GRIN2A: variants seen among roughly 807,000 people sequenced by gnomAD.
GRIN2A encodes the protein glutamate ionotropic receptor NMDA type subunit 2A.
In GRIN2A, 22 loss-of-function variants were observed where a neutral mutation model predicts 113.4. The ratio of observed to expected loss-of-function variants is 0.19; its 90% CI spans 0.14 to 0.28. The LOEUF is 0.28. Ranked by LOEUF, GRIN2A falls within the 10% of genes least tolerant of loss-of-function variation. The pLI is 1.00. For synonymous variants in GRIN2A, 827 were observed against 738.4 expected, an observed-to-expected ratio of 1.12 and a Z score of -1.94; for missense variants, 1,502 against 1,887.0, an observed-to-expected ratio of 0.80 and a Z score of 3.78.
rs745951746 is a variant in GRIN2A at position 9,840,813 on chromosome 16, CAAA to C, written c.1498-16_1498-14del. On this transcript the variant is annotated splice_polypyrimidine_tract_variant and intron_variant, in intron 6 of 12. Transcript: ENST00000330684. ...GTTGATAGACCACCTGGATGCAAGG[CAAA>C]AAAAAAAAAAAAAAAAAGAGAGAGA... 18,348 of 1,029,936 alleles carry C rather than the reference CAAA, an allele frequency of 0.018. No homozygotes were observed. Among genetic ancestry groups the C allele is most frequent in the Middle Eastern group, 0.023 (87 of 3,770 alleles). 63.8% of individuals were successfully genotyped at this position (1,029,936 alleles called of 1,614,324 possible).
At chr16:10,179,909 A>T (rs774765779) in intron 2 of GRIN2A, 89 bp downstream of exon 2, 1 of 950,456 alleles carries the variant, frequency 1.1e-6, no homozygotes, top group South Asian at 1.3e-5. Context: ...ACATCAAGAC[A>T]GATTCTAGGG....
At chr16:10,004,336 C>T (rs1302284791) in intron 2 of GRIN2A, among the ~76,000 whole-genome samples, 1 of 151,778 alleles carries the variant, frequency 6.6e-6, no homozygotes, top group Non-Finnish European at 1.5e-5. Context: ...TTACAGTGAG[C>T]CGAGATCACA....
In GRIN2A at chr16:9,852,034, A is replaced by T. The variant is rs181392587; in HGVS notation, c.1123-2073T>A. 4.6e-5 allele frequency among the ~76,000 whole-genome samples: 7 copies of T among 152,324 alleles called. No individual in the cohort carries two copies. The East Asian group carries it at 1.3e-3, about 29-fold the overall frequency. ...CTCCACCGTAGCATTTTATATTATA[A>T]CCTCAATGACATAACTTTTGAGCAC... On this transcript the variant is annotated intron_variant, in intron 4 of 12. Coordinates refer to ENST00000330684, the MANE Select transcript of GRIN2A (RefSeq NM_001134407.3).
chr16:10,023,541 T>C (rs1280006194), intron 2 of GRIN2A, among the ~76,000 whole-genome samples: 3 of 152,192 alleles, frequency 2.0e-5, no homozygotes, highest in African/African-American at 7.2e-5. Context: ...CATTTTCTAC[T>C]CTTACTGCTG....
intron 11 of GRIN2A, among the ~76,000 whole-genome samples, chr16:9,789,258 G>T (rs1019516122): frequency 1.3e-5 from 2 of 152,196 alleles, no homozygotes; most frequent in Non-Finnish European, 1.5e-5. Flanking sequence ...AATGCTAAGG[G>T]AAATACTATT....
chr16:9,779,020 C>T (rs1041469183), intron 11 of GRIN2A, among the ~76,000 whole-genome samples: 2 of 152,218 alleles, frequency 1.3e-5, no homozygotes, highest in Non-Finnish European at 2.9e-5. Context: ...TCTGCTCCTG[C>T]ATCACACAAG....
intron 3 of GRIN2A, among the ~76,000 whole-genome samples, chr16:9,912,363 T>C (rs192552717): frequency 6.6e-6 from 1 of 152,114 alleles, no homozygotes; most frequent in East Asian, 1.9e-4. Flanking sequence ...GTCGGCATCA[T>C]TTAGTCTCTG....
rs140652342 is a variant in GRIN2A, at chr16:9,844,986, A to T, written c.1329-3882T>A. ...AAGGTTTCACACAATCATGTTGTCT[A>T]ACAGGAATTCTTTTTGCAACTGATC... On this transcript the variant is annotated intron_variant, in intron 5 of 12. Coordinates refer to ENST00000330684, the MANE Select transcript of GRIN2A (RefSeq NM_001134407.3). 3.2e-3 allele frequency among the ~76,000 whole-genome samples: 488 copies of T among 152,274 alleles called. 3 individuals are homozygous for T. Among genetic ancestry groups the T allele is most frequent in the African/African-American group, 0.011 (456 of 41,570 alleles).
At chr16:9,823,817 C>A (rs1018110142) in intron 9 of GRIN2A, among the ~76,000 whole-genome samples, 2 of 152,150 alleles carry the variant, frequency 1.3e-5, no homozygotes, top group African/African-American at 4.8e-5. Context: ...AGGCTGAGGT[C>A]TTAACTCTAT....
chr16:9,858,699 T>G (rs2043010410), intron 4 of GRIN2A, among the ~76,000 whole-genome samples: 1 of 152,024 alleles, frequency 6.6e-6, no homozygotes, highest in African/African-American at 2.4e-5. Context: ...CCTAGAAAGA[T>G]TTTTTTTAAA....
rs534580347 is a variant in GRIN2A, at chr16:9,784,025, G to T, written c.2356+14252C>A. Among the ~76,000 whole-genome samples the T allele has an allele frequency of 3.9e-5, 6 of 152,206 alleles. No individual in the cohort carries two copies. In the East Asian group the frequency reaches 1.2e-3, roughly 29 times the overall value. On this transcript the variant is annotated intron_variant, in intron 11 of 12. Transcript: ENST00000330684. ...AGGAAAAACAAATAATGGGTACTGG[G>T]CTTAATACCTGGGTGATGAAATAAT...
Position 10,177,886 on chromosome 16 carries a change from G to A in GRIN2A, c.414+2112C>T, listed in dbSNP as rs369234981. ...ACTCTTCCGGCTTCTCTCTGCCTAC[G>A]TTCGGATGAATGAGTCACATGACAG... On this transcript the variant is annotated intron_variant, in intron 2 of 12. Coordinates refer to ENST00000330684, the MANE Select transcript of GRIN2A (RefSeq NM_001134407.3). Among the ~76,000 whole-genome samples the A allele has an allele frequency of 1.2e-4, 19 of 152,236 alleles. No individual in the cohort carries two copies. In the East Asian group the frequency reaches 2.3e-3, roughly 19 times the overall value.
At chr16:9,813,313 T>C (rs181214121) in intron 10 of GRIN2A, among the ~76,000 whole-genome samples, 100 of 152,302 alleles carry the variant, frequency 6.6e-4, no homozygotes, top group African/African-American at 2.2e-3. Flanking sequence ...CTTGTATGAA[T>C]TGTATATATG....
intron 3 of GRIN2A, among the ~76,000 whole-genome samples, chr16:9,932,527 C>G (rs1255401319): frequency 6.6e-6 from 1 of 151,990 alleles, no homozygotes; most frequent in Non-Finnish European, 1.5e-5. Context: ...AGGCGTGCAC[C>G]ACCACACCCA....
chr16:9,975,493 G>A (rs891676809), intron 2 of GRIN2A, among the ~76,000 whole-genome samples: 2 of 152,164 alleles, frequency 1.3e-5, no homozygotes, highest in African/African-American at 4.8e-5. Context: ...AAGTCTCTAG[G>A]AGCAAAGACC....
chr16:9,824,120 G>A (rs1006812011), intron 9 of GRIN2A, among the ~76,000 whole-genome samples: 1 of 152,164 alleles, frequency 6.6e-6, no homozygotes, highest in African/African-American at 2.4e-5. Context: ...CCTAAATTAG[G>A]CATGCTGCTG....
At chr16:10,125,961 G>C (rs895510526) in intron 2 of GRIN2A, among the ~76,000 whole-genome samples, 3 of 152,030 alleles carry the variant, frequency 2.0e-5, no homozygotes, top group South Asian at 2.1e-4. Context: ...GGAGGTGGGA[G>C]ACAAAATGAG....
intron 2 of GRIN2A, among the ~76,000 whole-genome samples, chr16:10,004,076 G>C (rs371797005): frequency 1.7e-4 from 26 of 152,072 alleles, no homozygotes; most frequent in African/African-American, 5.8e-4. Flanking sequence ...TTCACGGAGA[G>C]GGTTGAGAAC....
At chr16:9,833,180 G>C (rs559025225) in intron 8 of GRIN2A, among the ~76,000 whole-genome samples, 1 of 152,188 alleles carries the variant, frequency 6.6e-6, no homozygotes, top group Non-Finnish European at 1.5e-5. Context: ...CCTGGCTAGA[G>C]TGGGATCCTT....
Sources: gnomAD v4.1 joint callset for allele counts (sites outside exome capture counted in the v4.1 genomes callset) on GRCh38, gnomAD v4.1.1 for gene constraint, MANE v1.5 for transcripts, NCBI Gene and HGNC (gene_info 2026-07-23, HGNC 2026-07-21) for gene names.